SERPINI1: variants seen among roughly 807,000 people sequenced by gnomAD.
SERPINI1 encodes neuroserpin.
Under a neutral mutation model 41.1 loss-of-function variants are expected in SERPINI1, and 19 were observed. The observed-to-expected ratio is 0.46, with a 90% CI of 0.32 to 0.68. The LOEUF is 0.68. Ranked by LOEUF, SERPINI1 falls within the 30% of genes least tolerant of loss-of-function variation. The probability of loss-of-function intolerance (pLI) is 0.03; values close to 1 mark genes in which losing one functional copy is unlikely to be tolerated. For synonymous variants in SERPINI1, 138 were observed against 156.6 expected, an observed-to-expected ratio of 0.88 and a Z score of 0.89; for missense variants, 460 against 479.2, an observed-to-expected ratio of 0.96 and a Z score of 0.37.
At chr3:167,785,485 C>T (rs1467539440) in intron 1 of SERPINI1, among the ~76,000 whole-genome samples, 1 of 152,100 alleles carries the variant, frequency 6.6e-6, no homozygotes, top group East Asian at 1.9e-4. Context: ...GTAGGTAAAA[C>T]CCTGTAAAGA....
chr3:167,805,492 T>C (rs1479378828), intron 5 of SERPINI1, among the ~76,000 whole-genome samples: 6 of 152,256 alleles, frequency 3.9e-5, no homozygotes, highest in Middle Eastern at 3.4e-3. Flanking sequence ...TGTAGGCTGC[T>C]TGTTCACTCT....
At chr3:167,738,671 A>G (rs985074961) in intron 1 of SERPINI1, among the ~76,000 whole-genome samples, 8 of 151,914 alleles carry the variant, frequency 5.3e-5, no homozygotes, top group Non-Finnish European at 1.2e-4. Flanking sequence ...TGAATATTCA[A>G]AATCCAATGA....
chr3:167,768,352 G>A (rs893567070), intron 1 of SERPINI1, among the ~76,000 whole-genome samples: 1 of 152,140 alleles, frequency 6.6e-6, no homozygotes, highest in African/African-American at 2.4e-5. Context: ...CACACTTAAT[G>A]GATTACAGTA....
At chr3:167,825,070 G>A (rs1275358014) in intron 8 of SERPINI1, among the ~76,000 whole-genome samples, 177 bp from the exon 9 acceptor site, 2 of 151,512 alleles carry the variant, frequency 1.3e-5, no homozygotes, top group African/African-American at 4.9e-5. Flanking sequence ...GAAAGGAAAG[G>A]AAAGGGAAAG....
At chr3:167,741,673 G>A (rs1011119697) in intron 1 of SERPINI1, among the ~76,000 whole-genome samples, 3 of 152,172 alleles carry the variant, frequency 2.0e-5, no homozygotes, top group Non-Finnish European at 4.4e-5. Flanking sequence ...TAATTGTTGT[G>A]TACTTCACGA....
chr3:167,767,534 A>G (rs898180067), intron 1 of SERPINI1, among the ~76,000 whole-genome samples: 1 of 152,220 alleles, frequency 6.6e-6, no homozygotes, highest in Non-Finnish European at 1.5e-5. Context: ...TTATAGAGCC[A>G]TAGATAGTGA....
At position 167,790,432 on chromosome 3, in the gene SERPINI1, A is replaced by G. The variant is rs1727464670; in HGVS notation, c.311A>G (p.Tyr104Cys). 2 of 1,613,998 alleles carry G rather than the reference A, an allele frequency of 1.2e-6. No individual in the cohort carries two copies. The highest frequency in any genetic ancestry group is 1.7e-6 in the Non-Finnish European group (2 of 1,179,894). Reference sequence around the variant, plus strand: ...ATGGTAACTGCTAAAGAGAGCCAATATGTGATGAAAATTGCCAATTCCTTG... The same window carrying G: ...ATGGTAACTGCTAAAGAGAGCCAATGTGTGATGAAAATTGCCAATTCCTTG... Reference protein sequence around the residue: ...SNMVTAKESQYVMKIANSLFV... With the variant: ...SNMVTAKESQCVMKIANSLFV... The change falls in exon 3 of 9, where the codon TAT (tyrosine) becomes TGT (cysteine). Residue 104 changes from tyrosine to cysteine, a missense_variant. By Grantham distance (194) the Tyr-to-Cys change is radical. Coordinates refer to ENST00000446050, the MANE Select transcript of SERPINI1 (RefSeq NM_001122752.2).
At chr3:167,803,112 C>T (rs1334263774) in intron 5 of SERPINI1, among the ~76,000 whole-genome samples, 3 of 151,450 alleles carry the variant, frequency 2.0e-5, no homozygotes, top group Non-Finnish European at 2.9e-5. Flanking sequence ...GAACATCACA[C>T]TCTGGGGACT....
At chr3:167,797,740 G>GTTTTTTTTT (rs3840198) in intron 5 of SERPINI1, among the ~76,000 whole-genome samples, 1 of 148,946 alleles carries the variant, frequency 6.7e-6, no homozygotes. Flanking sequence ...CCTACCAAGC[G>GTTTTTTTTT]TTTTTTTTTT....
At chr3:167,759,928 C>T (rs1577403453) in intron 1 of SERPINI1, among the ~76,000 whole-genome samples, 1 of 152,252 alleles carries the variant, frequency 6.6e-6, no homozygotes, top group Middle Eastern at 3.4e-3. Context: ...CTGTAGCATT[C>T]CAAGAGACAG....
chr3:167,798,304 C>T (rs1423875649), intron 5 of SERPINI1, among the ~76,000 whole-genome samples: 4 of 152,138 alleles, frequency 2.6e-5, no homozygotes, highest in African/African-American at 7.2e-5. Context: ...TATCATGTAT[C>T]AATTTTTCCA....
At chr3:167,750,778 T>G (rs1726017494) in intron 1 of SERPINI1, among the ~76,000 whole-genome samples, 1 of 152,168 alleles carries the variant, frequency 6.6e-6, no homozygotes, top group African/African-American at 2.4e-5. Flanking sequence ...TTGCATTTGT[T>G]TCCAGCCAAA....
intron 6 of SERPINI1, among the ~76,000 whole-genome samples, chr3:167,813,557 A>G (rs1711965418): frequency 6.6e-6 from 1 of 152,106 alleles, no homozygotes; most frequent in South Asian, 2.1e-4. Context: ...CTAATTGTTT[A>G]AGAGCAAGTT....
At chr3:167,776,440 A>T (rs1353249226) in intron 1 of SERPINI1, among the ~76,000 whole-genome samples, 1 of 152,196 alleles carries the variant, frequency 6.6e-6, no homozygotes, top group Non-Finnish European at 1.5e-5. Flanking sequence ...CCAGGCTTTT[A>T]ACCAAAAGCC....
At chr3:167,746,015 C>A (rs1725853098) in intron 1 of SERPINI1, among the ~76,000 whole-genome samples, 1 of 152,054 alleles carries the variant, frequency 6.6e-6, no homozygotes, top group East Asian at 1.9e-4. Flanking sequence ...TTTAATGAAT[C>A]AAAATGTCAG....
chr3:167,796,560 A>G (rs1727718390), intron 5 of SERPINI1, among the ~76,000 whole-genome samples: 1 of 151,718 alleles, frequency 6.6e-6, no homozygotes, highest in Admixed American at 6.6e-5. Context: ...CCCTGTGTCC[A>G]TGTGTTCTAA....
intron 5 of SERPINI1, among the ~76,000 whole-genome samples, chr3:167,795,540 A>G (rs999381933): frequency 6.6e-6 from 1 of 151,996 alleles, no homozygotes; most frequent in Non-Finnish European, 1.5e-5. Context: ...TGCCCTCCTC[A>G]TATTTCTTTC....
intron 1 of SERPINI1, among the ~76,000 whole-genome samples, chr3:167,772,883 TATATATATATAC>T (rs1262266346): frequency 2.8e-5 from 2 of 70,946 alleles, no homozygotes; most frequent in Non-Finnish European, 5.3e-5. Context: ...TATATATATA[TATATATATATAC>T]ACACACACAC....
At chr3:167,737,433 C>T (rs1438125102) in intron 1 of SERPINI1, among the ~76,000 whole-genome samples, 9 of 152,004 alleles carry the variant, frequency 5.9e-5, no homozygotes, top group Admixed American at 2.0e-4. Context: ...ACTGGAGAAT[C>T]TATTAATTCA....
Sources: gnomAD v4.1 joint callset for allele counts (sites outside exome capture counted in the v4.1 genomes callset) on GRCh38, gnomAD v4.1.1 for gene constraint, MANE v1.5 for transcripts, NCBI Gene and HGNC (gene_info 2026-07-23, HGNC 2026-07-21) for gene names.